MPDZ: variants seen among roughly 807,000 people sequenced by gnomAD.
MPDZ encodes multiple PDZ domain protein.
A neutral mutation model predicts 239.1 loss-of-function variants in MPDZ; 234 were observed. The ratio of observed to expected loss-of-function variants is 0.98; its 90% CI spans 0.88 to 1.09. MPDZ has a LOEUF of 1.09. Among genes scored for constraint, MPDZ ranks in the 50% least tolerant of loss-of-function variants. The probability of loss-of-function intolerance (pLI) is 0.00; values close to 1 mark genes in which losing one functional copy is unlikely to be tolerated. For synonymous variants in MPDZ, 1,048 were observed against 881.3 expected, an observed-to-expected ratio of 1.19 and a Z score of -3.35; for missense variants, 3,175 against 2,510.0, an observed-to-expected ratio of 1.26 and a Z score of -5.66.
At chr9:13,138,505 TC>T (rs1291128927) in intron 28 of MPDZ, among the ~76,000 whole-genome samples, 8 of 152,198 alleles carry the variant, frequency 5.3e-5, no homozygotes, top group African/African-American at 1.9e-4. Flanking sequence ...AACTAAGGCA[TC>T]CAGAATATCT....
intron 1 of MPDZ, among the ~76,000 whole-genome samples, chr9:13,277,054 T>C (rs915565969): frequency 6.6e-6 from 1 of 152,322 alleles, no homozygotes; most frequent in Admixed American, 6.5e-5. Flanking sequence ...TGTAGAAATA[T>C]ACTAAACTCT....
At chr9:13,230,279 C>T (rs1961980612) in intron 3 of MPDZ, among the ~76,000 whole-genome samples, 2 of 152,090 alleles carry the variant, frequency 1.3e-5, no homozygotes, top group East Asian at 1.9e-4. Context: ...ATTTACCATA[C>T]AATCTAGCAA....
rs377011145 is a variant in MPDZ, at chr9:13,234,968, A to G, written c.184-10385T>C. Among the ~76,000 whole-genome samples the G allele has an allele frequency of 5.9e-5, 9 of 152,282 alleles. No homozygotes were observed. In the East Asian group the frequency reaches 7.7e-4, roughly 13 times the overall value. On this transcript the variant is annotated intron_variant, in intron 3 of 46. Transcript: ENST00000319217. The stretch of plus-strand genomic sequence containing the variant: ...AAAGATAGGATGCTGAGAGCATTCA[A>G]TGAAATACAGCACCAAACATGATAG...
chr9:13,174,256 A>G (rs1952166665), intron 21 of MPDZ, among the ~76,000 whole-genome samples: 1 of 152,156 alleles, frequency 6.6e-6, no homozygotes, highest in South Asian at 2.1e-4. Context: ...ACAATATTTT[A>G]ATGCCTTTAG....
intron 2 of MPDZ, 94 bp downstream of exon 2, chr9:13,250,206 A>G (rs1186004767): frequency 9.2e-6 from 11 of 1,190,030 alleles, no homozygotes; most frequent in Non-Finnish European, 1.3e-5. Flanking sequence ...TACCATAGAC[A>G]GAATCCTGCT....
chr9:13,267,944 C>A (rs1972124237), intron 1 of MPDZ, among the ~76,000 whole-genome samples: 1 of 152,096 alleles, frequency 6.6e-6, no homozygotes, highest in Non-Finnish European at 1.5e-5. Flanking sequence ...TTCCTTCACG[C>A]ACAAAGTAGC....
At chr9:13,210,574 T>G (rs2135876841) in intron 10 of MPDZ, among the ~76,000 whole-genome samples, 1 of 152,200 alleles carries the variant, frequency 6.6e-6, no homozygotes, top group East Asian at 1.9e-4. Flanking sequence ...GTTGTTTAGC[T>G]GCTTTGACAG....
At chr9:13,198,737 C>CTGTGTGTGTGTGTGTGTGTGTGTG (rs1554691393) in intron 12 of MPDZ, among the ~76,000 whole-genome samples, 9 of 69,694 alleles carry the variant, frequency 1.3e-4, no homozygotes, top group East Asian at 9.0e-4. Context: ...ATCTCTCTCT[C>CTGTGTGTGTGTGTGTGTGTGTGTG]TGTGTGTGTG....
At chr9:13,166,827 T>G (rs1217616269) in intron 22 of MPDZ, among the ~76,000 whole-genome samples, 2 of 152,104 alleles carry the variant, frequency 1.3e-5, no homozygotes, top group East Asian at 3.9e-4. Flanking sequence ...AAAAAGACTT[T>G]GAGCCTGAAA....
intron 1 of MPDZ, among the ~76,000 whole-genome samples, chr9:13,273,340 T>A (rs1973450349): frequency 6.6e-6 from 1 of 152,210 alleles, no homozygotes; most frequent in Non-Finnish European, 1.5e-5. Context: ...TATGACTCTA[T>A]CATCATGGTT....
At chr9:13,133,052 T>A (rs1046187665) in intron 32 of MPDZ, among the ~76,000 whole-genome samples, 14 of 152,254 alleles carry the variant, frequency 9.2e-5, no homozygotes, top group South Asian at 6.2e-4. Context: ...ACAGATTTTT[T>A]AAAAAAATCA....
intron 1 of MPDZ, among the ~76,000 whole-genome samples, chr9:13,278,086 G>A (rs796958337): frequency 6.6e-6 from 1 of 152,112 alleles, no homozygotes; most frequent in African/African-American, 2.4e-5. Flanking sequence ...ACCTAAACCA[G>A]GAATTTCTAG....
chr9:13,240,649 T>C (rs766061268), intron 3 of MPDZ, among the ~76,000 whole-genome samples: 1 of 144,460 alleles, frequency 6.9e-6, no homozygotes, highest in Non-Finnish European at 1.5e-5. Context: ...TTCTCTTAAG[T>C]CTATCAATGA....
At chr9:13,262,761 T>C (rs1038376285) in intron 1 of MPDZ, among the ~76,000 whole-genome samples, 2 of 151,806 alleles carry the variant, frequency 1.3e-5, no homozygotes, top group Non-Finnish European at 2.9e-5. Flanking sequence ...TAAACACAAG[T>C]GGGTTAGACT....
intron 26 of MPDZ, among the ~76,000 whole-genome samples, chr9:13,145,323 G>C: frequency 6.6e-6 from 1 of 151,936 alleles, no homozygotes; most frequent in Non-Finnish European, 1.5e-5. Flanking sequence ...TTCTAAATGG[G>C]GCCCCCCTTT....
chr9:13,126,368 G>T, intron 34 of MPDZ, 148 bp downstream of exon 34: 1 of 505,882 alleles, frequency 2.0e-6, no homozygotes, highest in Non-Finnish European at 3.3e-6. Flanking sequence ...AATAGAAATT[G>T]AAGAACTTCT....
At position 13,169,620 on chromosome 9, in the gene MPDZ, A is replaced by G. The variant is rs369056804; in HGVS notation, c.3056-1056T>C. On this transcript the variant is annotated intron_variant, in intron 21 of 46. Coordinates refer to ENST00000319217, the MANE Select transcript of MPDZ (RefSeq NM_001378778.1). ...CTGCCTTCCATGATTGTCTCCTTCAATGCATACTTCCCTCAGAAGACAGAG... is the reference window on the plus strand; with the variant it reads ...CTGCCTTCCATGATTGTCTCCTTCAGTGCATACTTCCCTCAGAAGACAGAG... 1.2e-3 allele frequency among the ~76,000 whole-genome samples: 181 copies of G among 152,168 alleles called. 5 individuals carry two copies. The South Asian group carries it at 0.037, about 31-fold the overall frequency.
At chr9:13,134,463 G>A (rs1378054895) in intron 31 of MPDZ, 1 of 152,136 alleles carries the variant, frequency 6.6e-6, no homozygotes, top group African/African-American at 2.4e-5. Context: ...GGAGCAGCCG[G>A]AATGAGACAA....
At chr9:13,184,027 T>C (rs997627349) in intron 18 of MPDZ, among the ~76,000 whole-genome samples, 1 of 152,034 alleles carries the variant, frequency 6.6e-6, no homozygotes, top group Non-Finnish European at 1.5e-5. Flanking sequence ...ACACTAAAAC[T>C]ATATATTTTG....
Sources: allele counts gnomAD v4.1 joint callset (sites outside exome capture counted in the v4.1 genomes callset), GRCh38; gene constraint gnomAD v4.1.1; transcripts MANE v1.5; gene names NCBI Gene and HGNC (gene_info 2026-07-23, HGNC 2026-07-21).